ATP11C: variants seen among roughly 807,000 people sequenced by gnomAD.
The protein encoded by ATP11C is phospholipid-transporting ATPase IG.
ATP11C carries 36 observed loss-of-function variants against 97.4 expected under a neutral mutation model. The observed-to-expected ratio is 0.37, with a 90% CI of 0.28 to 0.49. The LOEUF (loss-of-function observed/expected upper bound fraction) is 0.49. Among genes scored for constraint, ATP11C ranks in the 20% least tolerant of loss-of-function variants. ATP11C has a pLI of 0.98. For synonymous variants in ATP11C, 275 were observed against 290.9 expected, an observed-to-expected ratio of 0.95 and a Z score of 0.56; for missense variants, 730 against 824.6, an observed-to-expected ratio of 0.89 and a Z score of 1.40.
intron 4 of ATP11C, among the ~76,000 whole-genome samples, chrX:139,815,861 CT>C (rs1334890445): frequency 9.0e-6 from 1 of 111,027 alleles, no homozygotes; most frequent in Non-Finnish European, 1.9e-5. Flanking sequence ...TAAGCTATCA[CT>C]TTATAGAGTA....
chrX:139,778,286 C>T (rs2082387676), intron 18 of ATP11C, among the ~76,000 whole-genome samples: 1 of 111,728 alleles, frequency 9.0e-6, no homozygotes, highest in African/African-American at 3.3e-5. Flanking sequence ...ACCACCAAAC[C>T]TATCCTATAA....
In ATP11C at chrX:139,816,862, C is replaced by T; in HGVS notation, c.318+1G>A. ...GGTGCAAGTGTAAATAAGAAATTTA[C>T]CTGCTTGATGGCTGTAACAGTTATA... On this transcript the variant is annotated splice_donor_variant, in intron 4 of 29. Transcript: ENST00000682941. LOFTEE classifies it high-confidence loss of function. 1 of 1,188,094 alleles carries T rather than the reference C, an allele frequency of 8.4e-7. No individual in the cohort carries two copies. The highest frequency in any genetic ancestry group is 1.1e-6 in the Non-Finnish European group (1 of 878,508).
chrX:139,788,145 C>CCTGTGATTTCACTTTCTTAGGAGAAGTAT, intron 14 of ATP11C, 47 bp downstream of exon 14: 1 of 1,087,622 alleles, frequency 9.2e-7, no homozygotes, highest in Non-Finnish European at 1.2e-6. Flanking sequence ...CTTCTGTCCT[C>CCTGTGATTTCACTTTCTTAGGAGAAGTAT]CTGTGATTTC....
chrX:139,841,400 C>A (rs966125500), intron 1 of ATP11C, among the ~76,000 whole-genome samples: 6 of 112,467 alleles, frequency 5.3e-5, no homozygotes, highest in Non-Finnish European at 1.1e-4. Flanking sequence ...TGTGTCTAAA[C>A]CTTTCTAAGA....
At chrX:139,896,863 A>ATAATAATAATATAT (rs1388713202) in intron 1 of ATP11C, among the ~76,000 whole-genome samples, 2 of 110,236 alleles carry the variant, frequency 1.8e-5, no homozygotes, top group Non-Finnish European at 3.8e-5. Context: ...CAGCCTCCCA[A>ATAATAATAATATAT]TAATAATAAT....
chrX:139,731,866 C>T (rs777556358), intron 28 of ATP11C, 111 bp from the exon 29 acceptor site: 19 of 340,151 alleles, frequency 5.6e-5, no homozygotes, highest in Non-Finnish European at 9.0e-5. Flanking sequence ...ATAGACTACT[C>T]CTCTGGCCAA....
chrX:139,865,796 A>G (rs1281326732), intron 1 of ATP11C, among the ~76,000 whole-genome samples: 1 of 111,282 alleles, frequency 9.0e-6, no homozygotes, highest in Non-Finnish European at 1.9e-5. Context: ...TAAGACAAAA[A>G]CAATAGTTTT....
chrX:139,829,394 T>C (rs1037095883), intron 1 of ATP11C, among the ~76,000 whole-genome samples: 1 of 112,298 alleles, frequency 8.9e-6, no homozygotes, highest in African/African-American at 3.2e-5. Flanking sequence ...GTAAATTCAA[T>C]GTAATTGCCC....
intron 1 of ATP11C, among the ~76,000 whole-genome samples, chrX:139,891,490 C>T (rs896764030): frequency 1.8e-5 from 2 of 111,904 alleles, no homozygotes; most frequent in African/African-American, 6.5e-5. Context: ...GACTCATTCT[C>T]CCGCCCAATG....
At chrX:139,788,367 G>A in intron 13 of ATP11C, 24 bp from the exon 14 acceptor site, 1 of 1,168,400 alleles carries the variant, frequency 8.6e-7, no homozygotes, top group Non-Finnish European at 1.2e-6. Flanking sequence ...ACAAAATAAT[G>A]ATTATTATTT....
At chrX:139,824,094 T>C (rs905812816) in intron 2 of ATP11C, among the ~76,000 whole-genome samples, 1 of 92,799 alleles carries the variant, frequency 1.1e-5, no homozygotes, top group African/African-American at 4.2e-5. Flanking sequence ...CTGGCCAATA[T>C]GGTGAAACCC....
intron 1 of ATP11C, 50 bp downstream of exon 1, chrX:139,931,966 C>T (rs1275982942): frequency 8.8e-7 from 1 of 1,140,632 alleles, no homozygotes; most frequent in Middle Eastern, 2.4e-4. Flanking sequence ...GGCGAAGGGG[C>T]TGGCGAGCAA....
At chrX:139,852,867 GA>G (rs1266479963) in intron 1 of ATP11C, among the ~76,000 whole-genome samples, 1 of 111,182 alleles carries the variant, frequency 9.0e-6, no homozygotes, top group African/African-American at 3.3e-5. Context: ...GAAAAGGGGG[GA>G]AACAGGTCAA....
At position 139,932,056 on chromosome X, in the gene ATP11C, G is replaced by T; in HGVS notation, c.-14C>A. The T allele has an allele frequency of 8.6e-7, 1 of 1,160,704 alleles. No homozygotes were observed. The highest frequency in any genetic ancestry group is 1.2e-6 in the Non-Finnish European group (1 of 868,895). ...CCGGCGGAACATCGCGTCGAAGGCTGCCGGGCGCTGAGCTGGGCTCTACCG... is the reference window on the plus strand; with the variant it reads ...CCGGCGGAACATCGCGTCGAAGGCTTCCGGGCGCTGAGCTGGGCTCTACCG... On this transcript the variant is annotated 5_prime_UTR_variant, in exon 1 of 30. Coordinates refer to ENST00000682941, the MANE Select transcript of ATP11C (RefSeq NM_001353812.2).
chrX:139,874,406 C>T (rs1045641258), intron 1 of ATP11C, among the ~76,000 whole-genome samples: 10 of 109,700 alleles, frequency 9.1e-5, no homozygotes, highest in Non-Finnish European at 1.9e-4. Context: ...CTGTACAGTG[C>T]ACATCATAGG....
intron 5 of ATP11C, 116 bp downstream of exon 5, chrX:139,814,762 G>T: frequency 2.4e-6 from 1 of 419,211 alleles, no homozygotes. Flanking sequence ...AAATGTTCTG[G>T]AACTAGATAG....
chrX:139,768,505 A>AACAACATCTTTT, intron 19 of ATP11C, 71 bp from the exon 20 acceptor site: 1 of 814,592 alleles, frequency 1.2e-6, no homozygotes, highest in East Asian at 3.7e-5. Flanking sequence ...TTTTTTTTTT[A>AACAACATCTTTT]AACAACAAAG....
Position 139,789,380 on chromosome X carries a change from C to T in ATP11C, c.1315G>A (p.Asp439Asn). The change falls in exon 13 of 30, where the codon GAT (aspartate) becomes AAT (asparagine). Residue 439 changes from aspartate to asparagine, a missense_variant. Asp to Asn is a conservative substitution (Grantham distance 23, BLOSUM62 1). Coordinates refer to ENST00000682941, the MANE Select transcript of ATP11C (RefSeq NM_001353812.2). The part of the protein sequence containing the change: ...HKYKGVTQEV[D>N]GLSQTDGTLT... ...GTTCCATCAGTTTGAGATAATCCAT[C>T]AACCTCTTGAGTTACACCTTTATAT... 1 of 1,207,255 alleles carries T rather than the reference C, an allele frequency of 8.3e-7. No individual in the cohort carries two copies. Among genetic ancestry groups the T allele is most frequent in the Non-Finnish European group, 1.1e-6 (1 of 892,601 alleles).
chrX:139,809,203 C>CA (rs773559273), intron 5 of ATP11C, among the ~76,000 whole-genome samples: 1 of 111,229 alleles, frequency 9.0e-6, no homozygotes, highest in East Asian at 2.8e-4. Flanking sequence ...GGGAAAAACT[C>CA]AGATACTTAT....
Sources: allele counts gnomAD v4.1 joint callset (sites outside exome capture counted in the v4.1 genomes callset), GRCh38; gene constraint gnomAD v4.1.1; transcripts MANE v1.5; gene names NCBI Gene and HGNC (gene_info 2026-07-23, HGNC 2026-07-21).